Variants in FANCA observed in about 807,000 individuals in gnomAD.
FANCA encodes the protein Fanconi anemia group A protein.
A neutral mutation model predicts 194.3 loss-of-function variants in FANCA; 236 were observed. That is an observed-to-expected ratio of 1.21 (90% CI 1.09 to 1.35). The LOEUF is 1.35. Among genes scored for constraint, FANCA ranks in the 40% most tolerant of loss-of-function variants. FANCA has a pLI of 0.00. For missense variants in FANCA, 2,628 were observed against 1,813.9 expected, an observed-to-expected ratio of 1.45 and a Z score of -8.15; for synonymous variants, 1,014 against 715.8, an observed-to-expected ratio of 1.42 and a Z score of -6.65.
rs566175597 is a variant in FANCA, at chr16:89,738,437, C to G, written c.*164G>C. The stretch of plus-strand genomic sequence containing the variant: ...CCAGTGGTTTATTTTCCCGCAAACG[C>G]TGAGTGACTCGGGGCCGGACAGTTC... On this transcript the variant is annotated 3_prime_UTR_variant, in exon 43 of 43. Transcript: ENST00000389301. The G allele has an allele frequency of 1.4e-6, 2 of 1,385,114 alleles. No individual in the cohort carries two copies. Among genetic ancestry groups the G allele is most frequent in the East Asian group, 2.5e-5 (1 of 40,094 alleles). 85.8% of individuals were successfully genotyped at this position (1,385,114 alleles called of 1,614,324 possible). A position where few individuals can be genotyped will look rare whatever the true frequency, so the allele number is the denominator to read the frequency against.
Position 89,791,987 on chromosome 16 carries a change from C to T in FANCA, c.1165G>A (p.Val389Met). The change falls in exon 13 of 43, where the codon GTG becomes ATG. Residue 389 changes from valine (V) to methionine (M), a missense_variant. Val to Met is a conservative substitution (Grantham distance 21). Transcript: ENST00000389301. ...ACCAGGGCAGACACAAAGGAGAGCA[C>T]TCTCTGCCAGTGAACCTCCTGCGTT... ...LETQEVHWQR[V>M]LSFVSALVVC... is the part of the protein sequence containing the mutation. 1.2e-6 allele frequency: 2 copies of T among 1,614,212 alleles called. No individual in the cohort carries two copies. The highest frequency in any genetic ancestry group is 1.7e-6 in the Non-Finnish European group (2 of 1,180,026).
chr16:89,778,399 G>C (rs139274435), intron 20 of FANCA: 69 of 360,648 alleles, frequency 1.9e-4, no homozygotes, highest in African/African-American at 1.5e-3. Flanking sequence ...CCAGGAGGCA[G>C]AGCTTGCAGT....
At chr16:89,813,806 C>CTGTGTGTG (rs71137678) in intron 3 of FANCA, among the ~76,000 whole-genome samples, 3,015 of 149,530 alleles carry the variant, frequency 0.02, 49 homozygotes, top group East Asian at 0.068. Flanking sequence ...AAGTCTTTTA[C>CTGTGTGTG]TGTGTGTGTG....
intron 3 of FANCA, among the ~76,000 whole-genome samples, chr16:89,813,399 C>T (rs1388718676): frequency 7.3e-6 from 1 of 136,828 alleles, no homozygotes; most frequent in Non-Finnish European, 1.5e-5. Context: ...CAGAGTGAGA[C>T]CCTGTCTGTT....
At chr16:89,773,836 G>A (rs1048615346) in intron 21 of FANCA, among the ~76,000 whole-genome samples, 1 of 150,246 alleles carries the variant, frequency 6.7e-6, no homozygotes, top group East Asian at 2.0e-4. Context: ...GCAGTGGTGC[G>A]ATCTCGGCTC....
chr16:89,762,619 G>A (rs924704920), intron 28 of FANCA: 12 of 240,464 alleles, frequency 5.0e-5, no homozygotes, highest in Non-Finnish European at 8.5e-5. Flanking sequence ...ACATTCTACA[G>A]CTATTCACAG....
chr16:89,811,710 T>C (rs1598192455), intron 3 of FANCA, among the ~76,000 whole-genome samples: 2 of 145,728 alleles, frequency 1.4e-5, no homozygotes, highest in African/African-American at 2.5e-5. Flanking sequence ...TCTAATTTAT[T>C]TGTCTTCCAA....
intron 5 of FANCA, among the ~76,000 whole-genome samples, chr16:89,809,024 G>T (rs963738354): frequency 6.6e-6 from 1 of 151,998 alleles, no homozygotes; most frequent in East Asian, 1.9e-4. Flanking sequence ...TCCTGCCTCA[G>T]CCTCCTGAGT....
chr16:89,778,031 G>A (rs993166511), intron 20 of FANCA, among the ~76,000 whole-genome samples: 1 of 151,876 alleles, frequency 6.6e-6, no homozygotes, highest in South Asian at 2.1e-4. Flanking sequence ...GCGTGGTGGT[G>A]CGCGCCTGTA....
chr16:89,748,185 C>T (rs1006899200), intron 33 of FANCA, among the ~76,000 whole-genome samples: 1 of 152,210 alleles, frequency 6.6e-6, no homozygotes, highest in Non-Finnish European at 1.5e-5. Context: ...GGATTACGGG[C>T]GTGAGCCACC....
intron 30 of FANCA, among the ~76,000 whole-genome samples, chr16:89,752,962 G>A (rs892629524): frequency 3.3e-5 from 5 of 152,286 alleles, no homozygotes; most frequent in African/African-American, 9.6e-5. Context: ...AGTCAGACTC[G>A]CCCGCAGTTA....
At chr16:89,811,180 T>G in intron 3 of FANCA, 109 bp from the exon 4 acceptor site, 1 of 1,447,566 alleles carries the variant, frequency 6.9e-7, no homozygotes, top group Non-Finnish European at 9.5e-7. Flanking sequence ...ACAAAAAAAA[T>G]TGCCTTTTAA....
At chr16:89,777,112 A>G (rs1334971276) in intron 20 of FANCA, among the ~76,000 whole-genome samples, 1 of 152,022 alleles carries the variant, frequency 6.6e-6, no homozygotes, top group African/African-American at 2.4e-5. Flanking sequence ...TGGGAGGCAG[A>G]GGGGGAAGGA....
At chr16:89,812,647 A>AAAAAC (rs1491399327) in intron 3 of FANCA, among the ~76,000 whole-genome samples, 1 of 78,404 alleles carries the variant, frequency 1.3e-5, no homozygotes, top group African/African-American at 8.2e-5. Flanking sequence ...ACTCCGTCTC[A>AAAAAC]AAAAAAAAAA....
intron 11 of FANCA, 199 bp from the exon 12 acceptor site, chr16:89,792,746 C>G: frequency 3.8e-6 from 2 of 530,472 alleles, no homozygotes; most frequent in Non-Finnish European, 7.0e-6. Context: ...TGCGCGGAGA[C>G]CGGTAGTGGC....
chr16:89,791,143 A>C, intron 14 of FANCA: 1 of 545,916 alleles, frequency 1.8e-6, no homozygotes, highest in Admixed American at 3.1e-5. Flanking sequence ...GTGAGACAGA[A>C]ACCAGGGGAA....
chr16:89,783,665 C>G (rs1330518580), intron 15 of FANCA, among the ~76,000 whole-genome samples: 2 of 152,152 alleles, frequency 1.3e-5, no homozygotes, highest in Non-Finnish European at 1.5e-5. Context: ...CTGGGGGAAC[C>G]AGGGATGTGC....
chr16:89,812,642 GTC>G (rs2040931396), intron 3 of FANCA, among the ~76,000 whole-genome samples: 1 of 50,630 alleles, frequency 2.0e-5, no homozygotes, highest in Non-Finnish European at 3.6e-5. Context: ...GCAATACTCC[GTC>G]TCAAAAAAAA....
At chr16:89,799,821 G>T (rs1022479360) in intron 8 of FANCA, among the ~76,000 whole-genome samples, 183 bp from the exon 9 acceptor site, 1 of 152,118 alleles carries the variant, frequency 6.6e-6, no homozygotes, top group African/African-American at 2.4e-5. Context: ...GTGAAACCCC[G>T]TCTCTACTAA....
Sources: allele counts gnomAD v4.1 joint callset (sites outside exome capture counted in the v4.1 genomes callset), GRCh38; gene constraint gnomAD v4.1.1; transcripts MANE v1.5; gene names NCBI Gene and HGNC (gene_info 2026-07-23, HGNC 2026-07-21).